Variants in BMERB1 observed in about 807,000 individuals in gnomAD.
BMERB1 encodes the protein bMERB domain-containing protein 1.
A neutral mutation model predicts 23.6 loss-of-function variants in BMERB1; 12 were observed. The observed-to-expected ratio is 0.51, with a 90% CI of 0.33 to 0.82. The LOEUF (loss-of-function observed/expected upper bound fraction) is 0.82. Ranked by LOEUF, BMERB1 falls within the 40% of genes least tolerant of loss-of-function variation. The pLI is 0.03. For synonymous variants in BMERB1, 122 were observed against 96.6 expected (o/e 1.26, Z -1.54); for missense variants, 247 against 255.4 (o/e 0.97, Z 0.22).
intron 1 of BMERB1, among the ~76,000 whole-genome samples, chr16:15,508,522 G>A (rs938836284): frequency 4.6e-5 from 7 of 152,076 alleles, no homozygotes; most frequent in African/African-American, 1.7e-4. Flanking sequence ...TCAACCCCTG[G>A]CCTAAGGTAT....
intron 1 of BMERB1, 136 bp downstream of exon 1, chr16:15,434,895 G>GAT (rs2050874352): frequency 2.8e-6 from 2 of 711,836 alleles, no homozygotes; most frequent in South Asian, 1.9e-5. Flanking sequence ...GCAGCTCAGG[G>GAT]GGATACGCAG....
intron 4 of BMERB1, 146 bp downstream of exon 4, chr16:15,581,477 G>T (rs1168462540): frequency 3.5e-6 from 2 of 571,566 alleles, no homozygotes; most frequent in East Asian, 6.0e-5. Flanking sequence ...TGAATCCCAA[G>T]GAACCCCAGC....
At chr16:15,487,978 G>C (rs1187130308) in intron 1 of BMERB1, among the ~76,000 whole-genome samples, 1 of 152,142 alleles carries the variant, frequency 6.6e-6, no homozygotes, top group Non-Finnish European at 1.5e-5. Flanking sequence ...TTATCGGTCA[G>C]GTCTTTGTGA....
intron 2 of BMERB1, among the ~76,000 whole-genome samples, chr16:15,564,869 G>GT (rs1411063258): frequency 2.0e-5 from 3 of 152,076 alleles, no homozygotes; most frequent in Non-Finnish European, 1.5e-5. Context: ...TGACCTGCAT[G>GT]TTTTTTCTTT....
chr16:15,494,843 C>G (rs1253670040), intron 1 of BMERB1, among the ~76,000 whole-genome samples: 14 of 149,682 alleles, frequency 9.4e-5, no homozygotes, highest in Admixed American at 9.3e-4. Flanking sequence ...TTTTAAAAGG[C>G]TCAAGAAATG....
At chr16:15,549,676 T>TAA (rs768470162) in intron 2 of BMERB1, among the ~76,000 whole-genome samples, 2 of 130,650 alleles carry the variant, frequency 1.5e-5, no homozygotes, top group Non-Finnish European at 1.7e-5. Flanking sequence ...AGACATTGTC[T>TAA]AAAAAAAAAA....
At chr16:15,441,803 A>G (rs559901074) in intron 1 of BMERB1, among the ~76,000 whole-genome samples, 11 of 152,292 alleles carry the variant, frequency 7.2e-5, no homozygotes, top group African/African-American at 2.4e-4. Flanking sequence ...ACTACAGGCA[A>G]GAGCCACTGC....
intron 1 of BMERB1, among the ~76,000 whole-genome samples, chr16:15,480,773 C>T (rs145047141): frequency 0.014 from 2,096 of 151,950 alleles, 54 homozygotes; most frequent in African/African-American, 0.049. Flanking sequence ...ACCACCACAC[C>T]GAGCTAATTT....
At chr16:15,512,012 C>CAAAAAAAAAAAAA (rs57021793) in intron 1 of BMERB1, among the ~76,000 whole-genome samples, 2 of 61,130 alleles carry the variant, frequency 3.3e-5, no homozygotes, top group African/African-American at 5.8e-5. Context: ...GACTTGCTCT[C>CAAAAAAAAAAAAA]AAAAAAAAAA....
intron 1 of BMERB1, among the ~76,000 whole-genome samples, chr16:15,481,596 G>A (rs1490576682): frequency 6.6e-6 from 1 of 151,958 alleles, no homozygotes; most frequent in East Asian, 1.9e-4. Context: ...AAGAGGAGTG[G>A]GATTGGAAGA....
intron 1 of BMERB1, among the ~76,000 whole-genome samples, chr16:15,510,973 A>G (rs2051657269): frequency 6.6e-6 from 1 of 152,062 alleles, no homozygotes; most frequent in East Asian, 1.9e-4. Context: ...AAGTGCTGGG[A>G]TTACAGGCGT....
At chr16:15,497,766 G>C (rs1194524438) in intron 1 of BMERB1, among the ~76,000 whole-genome samples, 1 of 152,160 alleles carries the variant, frequency 6.6e-6, no homozygotes, top group Admixed American at 6.5e-5. Context: ...TCTGCAGGGA[G>C]GAAAGCCCTA....
chr16:15,458,675 C>G (rs1270460764), intron 1 of BMERB1, among the ~76,000 whole-genome samples: 1 of 150,400 alleles, frequency 6.6e-6, no homozygotes, highest in Non-Finnish European at 1.5e-5. Flanking sequence ...TGTGTTGGCA[C>G]CACTGCACTC....
At chr16:15,510,247 T>C (rs1440385077) in intron 1 of BMERB1, among the ~76,000 whole-genome samples, 2 of 152,018 alleles carry the variant, frequency 1.3e-5, no homozygotes, top group African/African-American at 2.4e-5. Context: ...GACTCTGAGA[T>C]AGGAATGAAT....
chr16:15,530,081 A>G (rs1199247487), intron 2 of BMERB1, among the ~76,000 whole-genome samples: 2 of 152,006 alleles, frequency 1.3e-5, no homozygotes, highest in Non-Finnish European at 2.9e-5. Flanking sequence ...TCCCTCCTCC[A>G]TCTCCGAAGC....
intron 2 of BMERB1, among the ~76,000 whole-genome samples, chr16:15,538,314 A>T (rs749364620): frequency 2.0e-5 from 3 of 152,184 alleles, no homozygotes; most frequent in Non-Finnish European, 4.4e-5. Flanking sequence ...TTAACTGGGC[A>T]TGGTGGTGTG....
rs528007124 is a variant in BMERB1, at chr16:15,567,933, G to A, written c.231-50G>A. 1.2e-4 allele frequency: 190 copies of A among 1,544,360 alleles called. 2 individuals are homozygous for A. In the South Asian group the frequency reaches 1.6e-3, roughly 13 times the overall value. ...GTGTTAACCGGGTGATGCTCAGGGC[G>A]TAATGCTCTGCTGATGTAACCTGCT... On this transcript the variant is annotated intron_variant, in intron 2 of 5. Transcript: ENST00000300006.
chr16:15,506,598 C>T (rs992719600), intron 1 of BMERB1, among the ~76,000 whole-genome samples: 1 of 151,940 alleles, frequency 6.6e-6, no homozygotes, highest in African/African-American at 2.4e-5. Context: ...TATATGTGGA[C>T]AATGAGATGC....
At chr16:15,489,141 A>G (rs1178483827) in intron 1 of BMERB1, among the ~76,000 whole-genome samples, 1 of 152,172 alleles carries the variant, frequency 6.6e-6, no homozygotes, top group African/African-American at 2.4e-5. Flanking sequence ...CGGGAAGGGA[A>G]CACAGTGAGC....
Sources: gnomAD v4.1 joint callset for allele counts (sites outside exome capture counted in the v4.1 genomes callset) on GRCh38, gnomAD v4.1.1 for gene constraint, MANE v1.5 for transcripts, NCBI Gene and HGNC (gene_info 2026-07-23, HGNC 2026-07-21) for gene names.